IQSEC1: variants seen among roughly 807,000 people sequenced by gnomAD.
IQSEC1 encodes IQ motif and Sec7 domain ArfGEF 1.
Under a neutral mutation model 91.0 loss-of-function variants are expected in IQSEC1, and 31 were observed. The ratio of observed to expected loss-of-function variants is 0.34; its 90% CI spans 0.26 to 0.46. IQSEC1 has a LOEUF of 0.46. Ranked by LOEUF, IQSEC1 falls within the 20% of genes least tolerant of loss-of-function variation. The probability of loss-of-function intolerance (pLI) is 1.00; values close to 1 mark genes in which losing one functional copy is unlikely to be tolerated. For missense variants in IQSEC1, 1,388 were observed against 1,575.6 expected (o/e 0.88, Z 2.02); for synonymous variants, 699 against 662.6 (o/e 1.05, Z -0.84).
At chr3:12,920,622 G>C in intron 5 of IQSEC1, 26 bp from the exon 6 acceptor site, 2 of 1,611,894 alleles carry the variant, frequency 1.2e-6, no homozygotes, top group Non-Finnish European at 1.7e-6. Context: ...GAGGGGGTCA[G>C]GGCCATGGCG....
At chr3:13,196,160 G>C (rs1228340016) in intron 1 of IQSEC1, among the ~76,000 whole-genome samples, 1 of 152,190 alleles carries the variant, frequency 6.6e-6, no homozygotes, top group Admixed American at 6.5e-5. Context: ...CTGTGAGGAA[G>C]CCCAGTTTAC....
At chr3:13,236,843 C>T (rs565305689) in intron 1 of IQSEC1, among the ~76,000 whole-genome samples, 1 of 152,072 alleles carries the variant, frequency 6.6e-6, no homozygotes, top group South Asian at 2.1e-4. Context: ...GCTGATGATG[C>T]CCCACCCCCA....
At chr3:12,916,118 GGTTT>G (rs1206602375) in intron 6 of IQSEC1, among the ~76,000 whole-genome samples, 3 of 152,184 alleles carry the variant, frequency 2.0e-5, no homozygotes, top group African/African-American at 4.8e-5. Flanking sequence ...GGGAGGCTGG[GGTTT>G]GTTTGGGCTC....
intron 1 of IQSEC1, among the ~76,000 whole-genome samples, chr3:13,261,321 T>C (rs1469748734): frequency 6.6e-6 from 1 of 152,176 alleles, no homozygotes; most frequent in Non-Finnish European, 1.5e-5. Flanking sequence ...TGCCCTGGCC[T>C]TGATTAGGGA....
intron 2 of IQSEC1, among the ~76,000 whole-genome samples, chr3:13,097,370 C>T (rs1466790590): frequency 6.6e-6 from 1 of 152,228 alleles, no homozygotes; most frequent in Non-Finnish European, 1.5e-5. Context: ...GCTCTGGTCC[C>T]CTCCAGTCAC....
At position 13,008,493 on chromosome 3, in the gene IQSEC1, TA is replaced by T. The variant is rs1413790168; in HGVS notation, c.23+64498del. On this transcript the variant is annotated intron_variant, in intron 1 of 13. Transcript: ENST00000613206. The surrounding 1 kb of genome is among the most constrained non-coding windows in gnomAD (Gnocchi z 4.1). ...CCACCTGGCTGGCCCCCATCTTTGC[TA>T]GCCACCTCCTTCTTGCTCTCAGTTC... 1.3e-5 allele frequency among the ~76,000 whole-genome samples: 2 copies of T among 152,170 alleles called. No individual in the cohort carries two copies. The highest frequency in any genetic ancestry group is 2.9e-5 in the Non-Finnish European group (2 of 68,026).
Position 12,899,322 on chromosome 3 carries a change from A to G in IQSEC1, c.*1661T>C. The G allele has an allele frequency of 6.4e-7, 1 of 1,560,532 alleles. No individual in the cohort carries two copies. Among genetic ancestry groups the G allele is most frequent in the Non-Finnish European group, 8.8e-7 (1 of 1,140,452 alleles). On this transcript the variant is annotated 3_prime_UTR_variant, in exon 14 of 14. Coordinates refer to ENST00000613206, the MANE Select transcript of IQSEC1 (RefSeq NM_001134382.3). ...CCCGCGGCCCGCAGAGTCAGGCGTG[A>G]GCTTCGCCCTTTCTGAAAGGGCCTC...
chr3:12,909,168 G>T lies in IQSEC1; in HGVS notation c.2578+105C>A. 8.3e-7 allele frequency: 1 copy of T among 1,203,664 alleles called. No homozygotes were observed. The highest frequency in any genetic ancestry group is 1.2e-6 in the Non-Finnish European group (1 of 838,250). 74.6% of individuals were successfully genotyped at this position (1,203,664 alleles called of 1,614,324 possible). The stretch of plus-strand genomic sequence containing the variant: ...ATAGGGAAGGCCAGAAAAGACTGGG[G>T]GACATCTTGTCTCTGTGAGCTCAGA... On this transcript the variant is annotated intron_variant, in intron 11 of 13. Transcript: ENST00000613206. This position sits in a 1 kb window ranked among gnomAD's most constrained non-coding sequence, Gnocchi z 4.9.
At chr3:13,060,062 T>G (rs1332316656) in intron 1 of IQSEC1, among the ~76,000 whole-genome samples, 1 of 152,204 alleles carries the variant, frequency 6.6e-6, no homozygotes, top group Non-Finnish European at 1.5e-5. Flanking sequence ...CACTACGATG[T>G]GCTGAGTGCC....
At chr3:13,219,182 G>A (rs2125072211) in intron 1 of IQSEC1, among the ~76,000 whole-genome samples, 1 of 152,274 alleles carries the variant, frequency 6.6e-6, no homozygotes. Flanking sequence ...CAAAAGCTCA[G>A]TCCATCCACC....
At chr3:12,959,138 C>A (rs959779405) in intron 1 of IQSEC1, among the ~76,000 whole-genome samples, 14 of 152,114 alleles carry the variant, frequency 9.2e-5, no homozygotes, top group Non-Finnish European at 1.3e-4. Context: ...AGATCAGAAA[C>A]CCCAGGAAGG....
intron 1 of IQSEC1, among the ~76,000 whole-genome samples, chr3:13,049,839 C>T (rs984751212): frequency 2.6e-5 from 4 of 152,208 alleles, no homozygotes; most frequent in African/African-American, 9.7e-5. Context: ...CGGTCACACC[C>T]TACATGCTGT....
intron 1 of IQSEC1, among the ~76,000 whole-genome samples, chr3:13,055,676 A>C (rs187352238): frequency 5.3e-5 from 8 of 152,230 alleles, no homozygotes; most frequent in Non-Finnish European, 7.3e-5. Context: ...GAGATAGTGG[A>C]TGGGTAGAGT....
chr3:12,900,654 G>T lies in IQSEC1; in HGVS notation c.*329C>A. The T allele has an allele frequency of 8.1e-7, 1 of 1,239,516 alleles. No homozygotes were observed. Among genetic ancestry groups the T allele is most frequent in the African/African-American group, 1.5e-5 (1 of 65,250 alleles). The allele number at this position is 1,239,516 out of a possible 1,614,324, so 76.8% of individuals were successfully genotyped here. A position where few individuals can be genotyped will look rare whatever the true frequency, so the allele number is the denominator to read the frequency against. On this transcript the variant is annotated 3_prime_UTR_variant, in exon 14 of 14. Transcript: ENST00000613206. ...TGGGTTTTCATATGCATGTACATTA[G>T]GGCACAGGGAGCTGAGAGCTGGAGT...
At chr3:13,078,996 C>T (rs1273303572) in intron 2 of IQSEC1, among the ~76,000 whole-genome samples, 2 of 152,248 alleles carry the variant, frequency 1.3e-5, no homozygotes, top group African/African-American at 2.4e-5. Context: ...TCACTTTCCT[C>T]CACCAATAAA....
intron 2 of IQSEC1, among the ~76,000 whole-genome samples, chr3:13,084,343 A>T (rs1211036743): frequency 6.6e-6 from 1 of 152,122 alleles, no homozygotes; most frequent in African/African-American, 2.4e-5. Flanking sequence ...CCCCCCTGAC[A>T]TACTCAGCTC....
intron 3 of IQSEC1, among the ~76,000 whole-genome samples, chr3:12,926,437 A>G (rs1246954204): frequency 6.6e-6 from 1 of 152,216 alleles, no homozygotes; most frequent in Non-Finnish European, 1.5e-5. Flanking sequence ...GTATGGAGCC[A>G]TCAGGCCAGA....
intron 2 of IQSEC1, among the ~76,000 whole-genome samples, chr3:13,097,645 C>A (rs775555204): frequency 6.6e-6 from 1 of 152,204 alleles, no homozygotes; most frequent in African/African-American, 2.4e-5. Flanking sequence ...CCTTTAAGGG[C>A]CTTTTATTTC....
intron 2 of IQSEC1, among the ~76,000 whole-genome samples, chr3:13,109,462 G>A (rs920674400): frequency 3.3e-5 from 5 of 152,080 alleles, no homozygotes; most frequent in African/African-American, 9.7e-5. Context: ...AACTGCACCT[G>A]CCCCCAGAGG....
Sources: gnomAD v4.1 joint callset for allele counts (sites outside exome capture counted in the v4.1 genomes callset) on GRCh38, gnomAD v4.1.1 for gene constraint, Gnocchi (gnomAD v3.1) non-coding constraint, MANE v1.5 for transcripts, NCBI Gene and HGNC (gene_info 2026-07-23, HGNC 2026-07-21) for gene names.